Variants in CEP112 observed in about 807,000 individuals in gnomAD.
CEP112 encodes the protein centrosomal protein 112.
CEP112 carries 127 observed loss-of-function variants against 153.0 expected under a neutral mutation model. The ratio of observed to expected loss-of-function variants is 0.83; its 90% CI spans 0.72 to 0.96. The LOEUF is 0.96. Among genes scored for constraint, CEP112 ranks in the 40% least tolerant of loss-of-function variants. The pLI is 0.00. For missense variants in CEP112, 1,089 were observed against 1,101.2 expected (o/e 0.99, Z 0.16); for synonymous variants, 358 against 374.4 (o/e 0.96, Z 0.51).
At chr17:65,744,445 C>T (rs1315709161) in intron 22 of CEP112, among the ~76,000 whole-genome samples, 1 of 151,866 alleles carries the variant, frequency 6.6e-6, no homozygotes, top group Non-Finnish European at 1.5e-5. Flanking sequence ...ACGAGTTTCA[C>T]CATATTGGCC....
At chr17:65,996,090 G>A (rs1047328745) in intron 17 of CEP112, among the ~76,000 whole-genome samples, 7 of 151,760 alleles carry the variant, frequency 4.6e-5, no homozygotes, top group East Asian at 1.9e-4. Context: ...TCATCATGGC[G>A]TGTTTTGACT....
chr17:65,854,220 T>C (rs1294799275), intron 20 of CEP112, among the ~76,000 whole-genome samples: 1 of 152,230 alleles, frequency 6.6e-6, no homozygotes, highest in Non-Finnish European at 1.5e-5. Flanking sequence ...AATGTCACAT[T>C]ATGATGCTGG....
intron 18 of CEP112, among the ~76,000 whole-genome samples, chr17:65,954,910 T>C (rs980218609): frequency 2.0e-5 from 3 of 152,158 alleles, no homozygotes; most frequent in South Asian, 2.1e-4. Flanking sequence ...CTGAGGAAGA[T>C]GAGAAAGCTA....
chr17:66,068,116 A>AT (rs1451499031), intron 9 of CEP112, among the ~76,000 whole-genome samples: 1 of 152,230 alleles, frequency 6.6e-6, no homozygotes, highest in Non-Finnish European at 1.5e-5. Flanking sequence ...AAAATTTGTG[A>AT]TTTTATACTT....
chr17:65,880,586 G>C (rs1486771818), intron 20 of CEP112, among the ~76,000 whole-genome samples: 1 of 152,164 alleles, frequency 6.6e-6, no homozygotes, highest in Non-Finnish European at 1.5e-5. Context: ...TAGGCTCATG[G>C]TCTCTTCTAA....
chr17:65,987,965 T>C (rs1568343028), intron 17 of CEP112, among the ~76,000 whole-genome samples: 1 of 152,130 alleles, frequency 6.6e-6, no homozygotes. Context: ...TTCCTGAGGA[T>C]AGCCAGAGAC....
chr17:65,869,204 GAGCTATTTAGAAATAC>G (rs765119414), intron 20 of CEP112, among the ~76,000 whole-genome samples: 4 of 152,166 alleles, frequency 2.6e-5, no homozygotes, highest in Non-Finnish European at 5.9e-5. Flanking sequence ...AAATGACCAA[GAGCTATTTAGAAATAC>G]AGCCAGCAGA....
chr17:65,655,408 A>G (rs2046013019), intron 24 of CEP112: 1 of 1,457,298 alleles, frequency 6.9e-7, no homozygotes, highest in Non-Finnish European at 9.6e-7. Flanking sequence ...AGAACAGTAC[A>G]TGACATGAAG....
chr17:66,179,688 TTGCC>T (rs1483641699), intron 2 of CEP112, among the ~76,000 whole-genome samples: 1 of 152,156 alleles, frequency 6.6e-6, no homozygotes, highest in Non-Finnish European at 1.5e-5. Context: ...TTTCTTTCTC[TTGCC>T]TGACTGCTCT....
intron 5 of CEP112, among the ~76,000 whole-genome samples, chr17:66,130,332 G>A (rs1032878485): frequency 6.6e-6 from 1 of 152,110 alleles, no homozygotes; most frequent in Non-Finnish European, 1.5e-5. Flanking sequence ...ATTGTCGGGG[G>A]CAGGGGCGAC....
intron 24 of CEP112, among the ~76,000 whole-genome samples, chr17:65,642,445 A>C (rs1052605741): frequency 6.6e-6 from 1 of 152,140 alleles, no homozygotes; most frequent in Admixed American, 6.5e-5. Flanking sequence ...TGTGCTTAAC[A>C]ATTCATTTCA....
intron 21 of CEP112, among the ~76,000 whole-genome samples, chr17:65,793,022 G>A (rs1206205256): frequency 6.6e-6 from 1 of 151,996 alleles, no homozygotes; most frequent in Admixed American, 6.6e-5. Flanking sequence ...CGAAGCTCCT[G>A]TCTACAGAAA....
At chr17:65,883,420 G>A (rs893611122) in intron 20 of CEP112, among the ~76,000 whole-genome samples, 1 of 152,014 alleles carries the variant, frequency 6.6e-6, no homozygotes, top group African/African-American at 2.4e-5. Context: ...GAGTGCAATG[G>A]CATAATCTTG....
In CEP112 at chr17:66,096,581, A is replaced by AT. The variant is rs2068355052; in HGVS notation, c.690+3dup. 6.3e-7 allele frequency: 1 copy of AT among 1,584,352 alleles called. No homozygotes were observed. Among genetic ancestry groups the AT allele is most frequent in the African/African-American group, 1.3e-5 (1 of 74,264 alleles). On this transcript the variant is annotated splice_donor_region_variant and intron_variant, in intron 7 of 26. Coordinates refer to ENST00000535342, the MANE Select transcript of CEP112 (RefSeq NM_001199165.4). ...AGAAAAAGTCCAATGGATTTCTCAC[A>AT]TACCAGAGAAACTGGGATAGGCTTC...
At chr17:65,853,679 A>AT (rs1377533884) in intron 20 of CEP112, among the ~76,000 whole-genome samples, 1 of 151,660 alleles carries the variant, frequency 6.6e-6, no homozygotes, top group Non-Finnish European at 1.5e-5. Flanking sequence ...AGTGAGCTGA[A>AT]ATTGCGCCAC....
rs73338865 is a variant in CEP112, at chr17:65,742,261, C to T, written c.2607+807G>A. 7.4e-3 allele frequency among the ~76,000 whole-genome samples: 1,127 copies of T among 152,174 alleles called. 15 individuals carry two copies. The highest frequency in any genetic ancestry group is 0.026 in the African/African-American group (1,065 of 41,506). On this transcript the variant is annotated intron_variant, in intron 23 of 26. Transcript: ENST00000535342. The stretch of plus-strand genomic sequence containing the variant: ...CCAATTTTTCTTTTATTGTTCTTTG[C>T]TTTGTATGATTACTCCACACGCTTT...
rs185208907 is a variant in CEP112 at position 65,775,608 on chromosome 17, T to C, written c.2395-24884A>G. Among the ~76,000 whole-genome samples, 348 of 152,256 alleles carry C rather than the reference T, an allele frequency of 2.3e-3. 2 individuals are homozygous for C. The highest frequency in any genetic ancestry group is 3.9e-3 in the Non-Finnish European group (264 of 68,018). ...ACCTCTGCCTCCCAGGTTCAATCTA[T>C]TCTCCTGTCTCAGCCTCCCGAGTAG... is the stretch of plus-strand genomic sequence containing the variant. On this transcript the variant is annotated intron_variant, in intron 21 of 26. Transcript: ENST00000535342.
intron 6 of CEP112, among the ~76,000 whole-genome samples, chr17:66,107,831 A>C (rs921943491): frequency 2.0e-5 from 3 of 152,152 alleles, no homozygotes; most frequent in Admixed American, 6.5e-5. Context: ...AAGACTGAGA[A>C]TAGCCAAAGC....
intron 20 of CEP112, among the ~76,000 whole-genome samples, chr17:65,876,189 G>A (rs549596459): frequency 1.3e-5 from 2 of 152,218 alleles, no homozygotes; most frequent in East Asian, 1.9e-4. Context: ...ACTGTTCAAC[G>A]AATCTTCTGT....
Sources: allele counts gnomAD v4.1 joint callset (sites outside exome capture counted in the v4.1 genomes callset), GRCh38; gene constraint gnomAD v4.1.1; transcripts MANE v1.5; gene names NCBI Gene and HGNC (gene_info 2026-07-23, HGNC 2026-07-21).